TRPM5: variants seen among roughly 807,000 people sequenced by gnomAD.
The protein encoded by TRPM5 is MLSN1 and TRP-related.
A neutral mutation model predicts 124.9 loss-of-function variants in TRPM5; 121 were observed. The observed-to-expected ratio is 0.97, with a 90% CI of 0.84 to 1.13. TRPM5 has a LOEUF of 1.13. Among genes scored for constraint, TRPM5 ranks in the 50% most tolerant of loss-of-function variants. The pLI, the probability that TRPM5 is intolerant of heterozygous loss-of-function variation, is 0.00. For synonymous variants in TRPM5, 781 were observed against 700.5 expected, an observed-to-expected ratio of 1.11 and a Z score of -1.81; for missense variants, 1,643 against 1,589.1, an observed-to-expected ratio of 1.03 and a Z score of -0.58.
In TRPM5 at chr11:2,404,831, C is replaced by CTGGTGCCCCCTGGGGGGT. The variant is rs1482518576; in HGVS notation, c.*88_*105dup. On this transcript the variant is annotated 3_prime_UTR_variant, in exon 24 of 24. Coordinates refer to ENST00000155858, the Ensembl canonical transcript of TRPM5. Reference sequence around the variant, plus strand: ...AGGAGGGCCATTGTCTGCTGGGGGGCTGGTGCCCCCTGGGGGGTTCCGCTG... The same window carrying CTGGTGCCCCCTGGGGGGT: ...AGGAGGGCCATTGTCTGCTGGGGGGCTGGTGCCCCCTGGGGGGTTGGTGCCCCCTGGGGGGTTCCGCTG... 28 of 875,048 alleles carry CTGGTGCCCCCTGGGGGGT rather than the reference C, an allele frequency of 3.2e-5. No homozygotes were observed. In the South Asian group the frequency reaches 3.7e-4, roughly 11 times the overall value. 54.2% of individuals were successfully genotyped at this position (875,048 alleles called of 1,614,324 possible).
At chr11:2,409,455 C>T (rs1850398381) in intron 18 of TRPM5, among the ~76,000 whole-genome samples, 2 of 152,176 alleles carry the variant, frequency 1.3e-5, no homozygotes, top group Admixed American at 1.3e-4. Context: ...TTAAATTGTC[C>T]CTGGGGCCTG....
At chr11:2,434,599 GTA>G in the TRPM5 span, among the ~76,000 whole-genome samples, 1 of 144,716 alleles carries the variant, frequency 6.9e-6, no homozygotes, top group South Asian at 2.2e-4. Context: ...ATGTGAAAGT[GTA>G]TGTGTGTGTG....
chr11:2,411,870 A>G (rs1850459596), intron 16 of TRPM5, 103 bp from the exon 22 acceptor site: 11 of 1,447,144 alleles, frequency 7.6e-6, no homozygotes, highest in Non-Finnish European at 1.0e-5. Context: ...GGGCCAGGCC[A>G]GGACTCCTTG....
chr11:2,414,009 G>GGGCGGCCCCCCCCCCC, intron 12 of TRPM5, 52 bp downstream of exon 17: 3 of 1,023,732 alleles, frequency 2.9e-6, no homozygotes, highest in Non-Finnish European at 2.9e-6. Context: ...GGCCCAGCTC[G>GGGCGGCCCCCCCCCCC]CCCGCCCACC....
chr11:2,412,149 C>G, exon 16 of TRPM5: 1 of 1,613,404 alleles, frequency 6.2e-7, no homozygotes, highest in South Asian at 1.1e-5. Context: ...AGGTGACACC[C>G]ACGATGAACA....
the TRPM5 span, among the ~76,000 whole-genome samples, chr11:2,441,220 T>C: frequency 6.6e-6 from 1 of 152,180 alleles, no homozygotes; most frequent in Non-Finnish European, 1.5e-5. This position sits in a 1 kb window ranked among gnomAD's most constrained non-coding sequence, Gnocchi z 7.2. Context: ...GGAGGGGCTT[T>C]CCTCAGTGGA....
At chr11:2,405,013 A>G (rs1158887645) in exon 24 of TRPM5, 1 of 1,612,792 alleles carries the variant, frequency 6.2e-7, no homozygotes, top group Non-Finnish European at 8.5e-7. Context: ...AGCAGCCACC[A>G]GCTGGCTTCC....
At chr11:2,420,383 G>A in exon 4 of TRPM5, 2 of 1,612,076 alleles carry the variant, frequency 1.2e-6, no homozygotes. Flanking sequence ...GTCATCCTCA[G>A]GGTAGTGGAC....
At chr11:2,420,301 G>A (rs146872968) in exon 4 of TRPM5, 458 of 1,612,556 alleles carry the variant, frequency 2.8e-4, no homozygotes, top group Non-Finnish European at 3.7e-4. Flanking sequence ...CCTTCCCCGG[G>A]GGGCCTGGCT....
upstream of TRPM5, among the ~76,000 whole-genome samples, chr11:2,423,202 G>T (rs187779236): frequency 2.0e-5 from 3 of 152,110 alleles, no homozygotes; most frequent in African/African-American, 7.2e-5. Context: ...TCTGCCCCAG[G>T]GACCTTCTCT....
In TRPM5 at chr11:2,412,751, G is replaced by A. The variant is rs747830300; in HGVS notation, c.2355+3C>T. On this transcript the variant is annotated splice_donor_region_variant and intron_variant, in intron 15 of 23. Transcript: ENST00000155858. ...GGGGACCTAGGCTAGTGTGGCCACCGACCTGCCGGATTTCCTCCAGCACCA... is the reference window on the plus strand; with the variant it reads ...GGGGACCTAGGCTAGTGTGGCCACCAACCTGCCGGATTTCCTCCAGCACCA... 2.5e-5 allele frequency: 39 copies of A among 1,588,972 alleles called. No homozygotes were observed. Among genetic ancestry groups the A allele is most frequent in the Middle Eastern group, 1.7e-4 (1 of 5,932 alleles).
chr11:2,415,742 G>A (rs1343368875), intron 8 of TRPM5, among the ~76,000 whole-genome samples, 164 bp downstream of exon 13: 3 of 152,240 alleles, frequency 2.0e-5, no homozygotes, highest in African/African-American at 4.8e-5. Context: ...GCCAGTGAGC[G>A]AGGCAGAAGC....
chr11:2,439,883 T>A, the TRPM5 span, among the ~76,000 whole-genome samples: 2 of 152,196 alleles, frequency 1.3e-5, no homozygotes, highest in African/African-American at 2.4e-5. Context: ...CACTTCCATG[T>A]TCATCGCAGC....
At chr11:2,430,700 G>A in the TRPM5 span, among the ~76,000 whole-genome samples, 3 of 151,566 alleles carry the variant, frequency 2.0e-5, no homozygotes, top group Non-Finnish European at 2.9e-5. Context: ...TGATGGAGGC[G>A]GTGTTGGTGT....
chr11:2,411,714 A>C, exon 17 of TRPM5: 1 of 1,612,716 alleles, frequency 6.2e-7, no homozygotes, highest in Non-Finnish European at 8.5e-7. Context: ...CGTGAACACC[A>C]TGAAGTCCAT....
chr11:2,416,255 C>G (rs1326939952), intron 7 of TRPM5, among the ~76,000 whole-genome samples: 1 of 152,218 alleles, frequency 6.6e-6, no homozygotes, highest in Non-Finnish European at 1.5e-5. Context: ...CCCGTCTGCT[C>G]CCATGTGAGG....
At position 2,422,979 on chromosome 11, in the gene TRPM5, C is replaced by T. The variant is rs1035336133; in HGVS notation, c.58G>A (p.Glu20Lys). 5 of 1,613,022 alleles carry T rather than the reference C, an allele frequency of 3.1e-6. No homozygotes were observed. The South Asian group carries it at 3.3e-5, about 11-fold the overall frequency. Residue 20 changes from glutamate (E) to lysine (K), a missense_variant, in exon 1 of 24, where the codon GAG (glutamate) becomes AAG (lysine). By Grantham distance (56) the Glu-to-Lys change is moderately conservative. Coordinates refer to ENST00000155858, the Ensembl canonical transcript of TRPM5. Reference sequence around the variant, plus strand: ...ACCTCGCCCCTGTGCAAGCCCAGCTCCCGCCGGTCTTCAGCATCCCCGGGG... The same window carrying T: ...ACCTCGCCCCTGTGCAAGCCCAGCTTCCGCCGGTCTTCAGCATCCCCGGGG...
chr11:2,441,847 A>G, the TRPM5 span, among the ~76,000 whole-genome samples: 1 of 151,862 alleles, frequency 6.6e-6, no homozygotes, highest in Non-Finnish European at 1.5e-5. The surrounding 1 kb of genome is among the most constrained non-coding windows in gnomAD (Gnocchi z 7.2). Flanking sequence ...GTGCCACCAC[A>G]CCCAGCTAAT....
the TRPM5 span, among the ~76,000 whole-genome samples, chr11:2,444,255 CGG>C: frequency 6.6e-6 from 1 of 152,146 alleles, no homozygotes; most frequent in Admixed American, 6.5e-5. Context: ...CCTGGGCACC[CGG>C]GGGCGCTCAC....
Sources: allele counts gnomAD v4.1 joint callset (sites outside exome capture counted in the v4.1 genomes callset), GRCh38; gene constraint gnomAD v4.1.1; non-coding constraint Gnocchi (gnomAD v3.1); transcripts MANE v1.5; gene names NCBI Gene and HGNC (gene_info 2026-07-23, HGNC 2026-07-21).